The following REV1 variants were observed in gnomAD, a reference collection of about 807,000 sequenced individuals.
The protein encoded by REV1 is REV1 DNA directed polymerase, also known as translesion synthesis protein REV1.
Under a neutral mutation model 137.4 loss-of-function variants are expected in REV1, and 42 were observed. The observed-to-expected ratio is 0.31, with a 90% CI of 0.24 to 0.40. The LOEUF (loss-of-function observed/expected upper bound fraction) is 0.40. Among genes scored for constraint, REV1 ranks in the 10% least tolerant of loss-of-function variants. The pLI, the probability that REV1 is intolerant of heterozygous loss-of-function variation, is 1.00. For missense variants in REV1, 1,282 were observed against 1,490.1 expected (o/e 0.86, Z 2.30); for synonymous variants, 524 against 519.2 (o/e 1.01, Z -0.12).
chr2:99,433,440 G>T (rs559152072), intron 8 of REV1, among the ~76,000 whole-genome samples: 1 of 152,138 alleles, frequency 6.6e-6, no homozygotes, highest in Non-Finnish European at 1.5e-5. Flanking sequence ...ATAAACAGAT[G>T]ATCAAAACCA....
chr2:99,434,272 T>C (rs547115047), intron 8 of REV1, 60 bp downstream of exon 8: 21 of 1,095,844 alleles, frequency 1.9e-5, no homozygotes, highest in East Asian at 1.3e-4. Flanking sequence ...CCATGCCAAA[T>C]AGCAAAATCC....
rs528141064 is a variant in REV1 at position 99,420,092 on chromosome 2, A to G, written c.1832-1145T>C. Among the ~76,000 whole-genome samples the G allele has an allele frequency of 1.2e-4, 19 of 152,350 alleles. No individual in the cohort carries two copies. In the East Asian group the frequency reaches 3.5e-3, roughly 28 times the overall value. On this transcript the variant is annotated intron_variant, in intron 11 of 22. Coordinates refer to ENST00000258428, the MANE Select transcript of REV1 (RefSeq NM_016316.4). ...TAAGGACAATTAAAAACAAAAAAAT[A>G]AAATTGTGCCTGACAATGGAATATA...
At chr2:99,459,500 G>A (rs1683929590) in intron 3 of REV1, among the ~76,000 whole-genome samples, 1 of 152,160 alleles carries the variant, frequency 6.6e-6, no homozygotes, top group African/African-American at 2.4e-5. Flanking sequence ...GAGCCTAGGA[G>A]TTTCAGATCA....
chr2:99,437,141 A>G (rs781107371), intron 6 of REV1, among the ~76,000 whole-genome samples: 2 of 151,750 alleles, frequency 1.3e-5, no homozygotes, highest in African/African-American at 4.8e-5. Context: ...CACCACGCCC[A>G]GCTAATTTTT....
At chr2:99,446,679 G>C (rs1682262176) in intron 4 of REV1, among the ~76,000 whole-genome samples, 1 of 152,052 alleles carries the variant, frequency 6.6e-6, no homozygotes, top group South Asian at 2.1e-4. Context: ...ATTTTTAGTA[G>C]AGACAGGCTT....
At chr2:99,404,333 GT>G in intron 18 of REV1, 110 bp downstream of exon 18, 2 of 493,650 alleles carry the variant, frequency 4.1e-6, no homozygotes, top group East Asian at 5.6e-5. Context: ...CCCCTCCCCA[GT>G]GGATGTGGTG....
chr2:99,459,018 C>G (rs1222488332), intron 3 of REV1, among the ~76,000 whole-genome samples: 2 of 152,008 alleles, frequency 1.3e-5, no homozygotes, highest in Non-Finnish European at 2.9e-5. Flanking sequence ...ACCATACTGG[C>G]TAACACGGTG....
intron 3 of REV1, among the ~76,000 whole-genome samples, chr2:99,449,896 AC>A (rs1440707988): frequency 3.3e-5 from 5 of 152,226 alleles, no homozygotes; most frequent in Non-Finnish European, 5.9e-5. Context: ...TTTTACAAAG[AC>A]TAATCCTTCC....
intron 1 of REV1, among the ~76,000 whole-genome samples, chr2:99,470,643 C>A (rs183312176): frequency 6.6e-6 from 1 of 152,226 alleles, no homozygotes; most frequent in South Asian, 2.1e-4. Flanking sequence ...CTACATTCCA[C>A]AAGTTACTTC....
chr2:99,477,629 CAAT>C (rs1242818550), intron 1 of REV1, among the ~76,000 whole-genome samples: 1 of 152,066 alleles, frequency 6.6e-6, no homozygotes, highest in Non-Finnish European at 1.5e-5. Flanking sequence ...AATAGACAAA[CAAT>C]AAGATGTACT....
Position 99,402,814 on chromosome 2 carries a change from A to AC in REV1, c.3385-15_3385-14insG. ...AGAGAGTTCTTCCTGTTAAGAAAAC[A>AC]AAGGATAAAATTGCTATATTCACAC... On this transcript the variant is annotated splice_polypyrimidine_tract_variant and intron_variant, in intron 20 of 22. Transcript: ENST00000258428. 6.2e-7 allele frequency: 1 copy of AC among 1,614,054 alleles called. No individual in the cohort carries two copies. The highest frequency in any genetic ancestry group is 8.5e-7 in the Non-Finnish European group (1 of 1,179,966).
At position 99,448,916 on chromosome 2, in the gene REV1, G is replaced by T. The variant is rs555775017; in HGVS notation, c.350+420C>A. Among the ~76,000 whole-genome samples the T allele has an allele frequency of 7.7e-4, 117 of 152,284 alleles. 1 individual carries two copies. Among genetic ancestry groups the T allele is most frequent in the South Asian group, 2.9e-3 (14 of 4,822 alleles). On this transcript the variant is annotated intron_variant, in intron 4 of 22. Transcript: ENST00000258428. ...CTAGGCTATAGTATTATCAACATGA[G>T]CTTAAACGGTAGTGTTGTTTAAGAC...
Position 99,408,032 on chromosome 2 carries a change from T to C in REV1, c.2445A>G (p.Arg815=). ...HTMKLNISDM[R]GVGIHVNQLV... is the part of the protein sequence containing the mutation. Reference sequence around the variant, plus strand: ...TACAATGTTACTATATACTTACCCCTCTCATATCTGATATATTTAGTTTCA... The same window carrying C: ...TACAATGTTACTATATACTTACCCCCCTCATATCTGATATATTTAGTTTCA... Residue 815 remains arginine (R), a synonymous_variant, in exon 15 of 23, where the codon AGA becomes AGG. Coordinates refer to ENST00000258428, the MANE Select transcript of REV1 (RefSeq NM_016316.4). The C allele has an allele frequency of 6.4e-7, 1 of 1,554,844 alleles. No individual in the cohort carries two copies. Among genetic ancestry groups the C allele is most frequent in the Non-Finnish European group, 8.8e-7 (1 of 1,136,422 alleles).
chr2:99,489,451 G>A (rs1479317870), intron 1 of REV1, among the ~76,000 whole-genome samples: 1 of 151,414 alleles, frequency 6.6e-6, no homozygotes, highest in African/African-American at 2.4e-5. Flanking sequence ...TTTGCGGCGC[G>A]GTCTGACCGG....
Position 99,474,897 on chromosome 2 carries a change from G to A in REV1, c.-10-9912C>T, listed in dbSNP as rs1419298114. ...AGCCTGGGCAACAGAGTGAGACTCCGTTTCAAAAAAGAAAAAAAAAAAAGA... is the reference window on the plus strand; with the variant it reads ...AGCCTGGGCAACAGAGTGAGACTCCATTTCAAAAAAGAAAAAAAAAAAAGA... On this transcript the variant is annotated intron_variant, in intron 1 of 22. Coordinates refer to ENST00000258428, the MANE Select transcript of REV1 (RefSeq NM_016316.4). Among the ~76,000 whole-genome samples, 8 of 147,226 alleles carry A rather than the reference G, an allele frequency of 5.4e-5. No individual in the cohort carries two copies. In the East Asian group the frequency reaches 6.2e-4, roughly 11 times the overall value.
In REV1 at chr2:99,412,004, C is replaced by T. The variant is rs143327672; in HGVS notation, c.2172+727G>A. On this transcript the variant is annotated intron_variant, in intron 13 of 22. Coordinates refer to ENST00000258428, the MANE Select transcript of REV1 (RefSeq NM_016316.4). The stretch of plus-strand genomic sequence containing the variant: ...ATCCCAGCACTTTAGGAGGCTGAGG[C>T]GGGCAGATCACAAGGTCAGGAGTTT... Among the ~76,000 whole-genome samples, 768 of 151,214 alleles carry T rather than the reference C, an allele frequency of 5.1e-3. 14 individuals are homozygous for T. Among genetic ancestry groups the T allele is most frequent in the African/African-American group, 0.018 (722 of 40,712 alleles).
intron 12 of REV1, among the ~76,000 whole-genome samples, chr2:99,417,914 A>C (rs1378886660): frequency 6.6e-6 from 1 of 152,252 alleles, no homozygotes; most frequent in Non-Finnish European, 1.5e-5. Context: ...GATTTTATAA[A>C]GTATTCTCAA....
intron 15 of REV1, among the ~76,000 whole-genome samples, chr2:99,407,287 G>A (rs1676465951): frequency 1.3e-5 from 2 of 151,290 alleles, no homozygotes; most frequent in Admixed American, 6.6e-5. Flanking sequence ...ATGGGGGCAA[G>A]TGCCTGTAAT....
At chr2:99,463,208 A>T (rs950682600) in intron 2 of REV1, among the ~76,000 whole-genome samples, 9 of 152,092 alleles carry the variant, frequency 5.9e-5, no homozygotes, top group Non-Finnish European at 5.9e-5. Flanking sequence ...AGTTACTTTT[A>T]AAAAAAGCTA....
Sources: gnomAD v4.1 joint callset for allele counts (sites outside exome capture counted in the v4.1 genomes callset) on GRCh38, gnomAD v4.1.1 for gene constraint, MANE v1.5 for transcripts, NCBI Gene and HGNC (gene_info 2026-07-23, HGNC 2026-07-21) for gene names.